Variants in UNC13C observed in about 807,000 individuals in gnomAD.
UNC13C encodes the protein protein unc-13 homolog C.
UNC13C carries 174 observed loss-of-function variants against 245.4 expected under a neutral mutation model. That is an observed-to-expected ratio of 0.71 (90% CI 0.63 to 0.80). The LOEUF is 0.80. UNC13C is among the 30% of genes least tolerant of loss of function. UNC13C has a pLI of 0.00. For synonymous variants in UNC13C, 992 were observed against 895.1 expected (o/e 1.11, Z -1.93); for missense variants, 2,829 against 2,602.9 (o/e 1.09, Z -1.89).
upstream of UNC13C, among the ~76,000 whole-genome samples, chr15:53,978,006 T>C (rs1168127790): frequency 2.6e-5 from 4 of 152,228 alleles, no homozygotes; most frequent in Admixed American, 6.5e-5. Context: ...TCTATTTAAA[T>C]ACAGGGTCCT....
intron 8 of UNC13C, among the ~76,000 whole-genome samples, chr15:54,256,881 T>C (rs1166311008): frequency 6.6e-6 from 1 of 152,194 alleles, no homozygotes; most frequent in East Asian, 1.9e-4. Flanking sequence ...TTGTCTATGC[T>C]TAGGAAAAAT....
chr15:54,457,208 C>G (rs572558743), intron 19 of UNC13C, among the ~76,000 whole-genome samples: 1 of 152,178 alleles, frequency 6.6e-6, no homozygotes, highest in Admixed American at 6.5e-5. Flanking sequence ...TAAACCAACC[C>G]TCCATCCTTG....
intron 19 of UNC13C, among the ~76,000 whole-genome samples, chr15:54,485,172 T>C (rs1188608716): frequency 6.6e-6 from 1 of 152,214 alleles, no homozygotes; most frequent in Admixed American, 6.5e-5. Context: ...ATTAGTCTGA[T>C]TGATGATCCA....
chr15:54,579,378 G>A (rs2141235939), intron 30 of UNC13C, among the ~76,000 whole-genome samples: 1 of 152,180 alleles, frequency 6.6e-6, no homozygotes, highest in East Asian at 1.9e-4. Context: ...TTAATTGATT[G>A]CCAAGGTGCA....
intron 1 of UNC13C, among the ~76,000 whole-genome samples, chr15:53,998,224 T>C (rs1360862590): frequency 1.3e-5 from 2 of 152,220 alleles, no homozygotes; most frequent in Non-Finnish European, 2.9e-5. Context: ...TTGTGGTCTA[T>C]TAAATCTATA....
At chr15:54,456,618 A>T (rs1283966817) in intron 19 of UNC13C, among the ~76,000 whole-genome samples, 4 of 149,362 alleles carry the variant, frequency 2.7e-5, no homozygotes, top group Non-Finnish European at 5.9e-5. Flanking sequence ...TTATTTATTT[A>T]TTTATTTATT....
chr15:53,948,807 C>T, the UNC13C span, among the ~76,000 whole-genome samples: 431 of 151,834 alleles, frequency 2.8e-3, 4 homozygotes, highest in Non-Finnish European at 3.7e-3. Context: ...TGAAGGCACA[C>T]AGCTGACACA....
At chr15:54,569,612 G>C (rs1453002875) in intron 30 of UNC13C, among the ~76,000 whole-genome samples, 1 of 151,684 alleles carries the variant, frequency 6.6e-6, no homozygotes, top group Non-Finnish European at 1.5e-5. Context: ...GTGTGTGTGT[G>C]TATAATCAAC....
chr15:54,403,694 C>T (rs1458784521), intron 18 of UNC13C, among the ~76,000 whole-genome samples: 1 of 100,806 alleles, frequency 9.9e-6, no homozygotes, highest in Admixed American at 1.7e-4. Context: ...ATAGACTGAG[C>T]AACAGAGTGA....
the UNC13C span, among the ~76,000 whole-genome samples, chr15:53,845,322 CAA>C: frequency 0.45 from 60,650 of 134,848 alleles, 13,384 homozygotes; most frequent in Middle Eastern, 0.57. Flanking sequence ...GAGAGTCTCT[CAA>C]AAAAAAAAAA....
intron 2 of UNC13C, among the ~76,000 whole-genome samples, chr15:54,129,436 A>G (rs2031270230): frequency 6.6e-6 from 1 of 152,162 alleles, no homozygotes; most frequent in Non-Finnish European, 1.5e-5. Context: ...CTATAGTCAA[A>G]TGTATGCTAT....
rs771350491 is a variant in UNC13C, at chr15:54,500,095, G to C, written c.5077G>C (p.Val1693Leu). The C allele has an allele frequency of 6.2e-7, 1 of 1,609,610 alleles. No individual in the cohort carries two copies. The highest frequency in any genetic ancestry group is 8.5e-7 in the Non-Finnish European group (1 of 1,178,536). Residue 1693 changes from valine to leucine, a missense_variant, in exon 21 of 33, where the codon GTC becomes CTC. Coordinates refer to ENST00000260323, the MANE Select transcript of UNC13C (RefSeq NM_001080534.3). ...PEYSLWFEPF[V>L]MQWLDENEDV... is the part of the protein sequence containing the mutation. ...TTGTTATAGGTGGTTTGAACCTTTT[G>C]TCATGCAATGGCTAGATGAAAACGA...
chr15:54,093,591 CA>C (rs1899686879), intron 2 of UNC13C, among the ~76,000 whole-genome samples: 1 of 152,112 alleles, frequency 6.6e-6, no homozygotes, highest in African/African-American at 2.4e-5. Context: ...GGATAATTAC[CA>C]AATGCACGTG....
chr15:54,083,726 A>T (rs1349875836), intron 2 of UNC13C, among the ~76,000 whole-genome samples: 1 of 152,006 alleles, frequency 6.6e-6, no homozygotes, highest in Non-Finnish European at 1.5e-5. Flanking sequence ...CAAGGGTTAG[A>T]TCTCTAGGGA....
At chr15:54,049,776 A>G in intron 2 of UNC13C, 1 of 254,306 alleles carries the variant, frequency 3.9e-6, no homozygotes, top group South Asian at 5.0e-5. Flanking sequence ...AATAGCAAAC[A>G]ATTCTCCATC....
intron 4 of UNC13C, among the ~76,000 whole-genome samples, chr15:54,172,469 TC>T (rs1170553267): frequency 6.6e-6 from 1 of 151,606 alleles, no homozygotes; most frequent in Non-Finnish European, 1.5e-5. Context: ...TGGCTCTAGC[TC>T]CTTTAGCTCA....
chr15:54,151,430 A>T (rs28742946), intron 4 of UNC13C, among the ~76,000 whole-genome samples: 3 of 152,160 alleles, frequency 2.0e-5, no homozygotes. Flanking sequence ...TCTGAGATGG[A>T]GTCTCACTCT....
intron 30 of UNC13C, among the ~76,000 whole-genome samples, chr15:54,619,792 G>C (rs1207368528): frequency 1.3e-5 from 2 of 152,100 alleles, no homozygotes; most frequent in Non-Finnish European, 2.9e-5. Flanking sequence ...GTATGAATGA[G>C]AAGTATGGAT....
intron 4 of UNC13C, among the ~76,000 whole-genome samples, chr15:54,191,485 A>G (rs139087510): frequency 1.3e-5 from 2 of 152,170 alleles, no homozygotes; most frequent in Non-Finnish European, 2.9e-5. Flanking sequence ...AGTCTTTGCT[A>G]TTGTGAACAG....
Sources: allele counts gnomAD v4.1 joint callset (sites outside exome capture counted in the v4.1 genomes callset), GRCh38; gene constraint gnomAD v4.1.1; transcripts MANE v1.5; gene names NCBI Gene and HGNC (gene_info 2026-07-23, HGNC 2026-07-21).